The following SLC9A7 variants were observed in gnomAD, a reference collection of about 807,000 sequenced individuals.
SLC9A7 encodes solute carrier family 9 member A7, also known as sodium/hydrogen exchanger 7.
In SLC9A7, 19 loss-of-function variants were observed where a neutral mutation model predicts 52.6. That is an observed-to-expected ratio of 0.36 (90% confidence interval 0.25 to 0.53). SLC9A7 has a LOEUF of 0.53. Ranked by LOEUF, SLC9A7 falls within the 20% of genes least tolerant of loss-of-function variation. The pLI is 0.91. For synonymous variants in SLC9A7, 226 were observed against 252.1 expected, an observed-to-expected ratio of 0.90 and a Z score of 0.98; for missense variants, 455 against 597.9, an observed-to-expected ratio of 0.76 and a Z score of 2.49.
In SLC9A7 at chrX:46,633,930, C is replaced by T. The variant is rs191821116; in HGVS notation, c.1676+1659G>A. Among the ~76,000 whole-genome samples the T allele has an allele frequency of 5.1e-3, 569 of 111,341 alleles. 1 individual carries two copies. Among genetic ancestry groups the T allele is most frequent in the Non-Finnish European group, 8.7e-3 (462 of 52,981 alleles). On this transcript the variant is annotated intron_variant, in intron 13 of 16. Coordinates refer to ENST00000616978, the MANE Select transcript of SLC9A7 (RefSeq NM_001257291.2). ...CAGGTGATCTGCCCACCTCGGCCTC[C>T]CAAAGTGCTGGGATTACAGGCGTGA...
At position 46,682,439 on chromosome X, in the gene SLC9A7, G is replaced by A; in HGVS notation, c.422C>T (p.Thr141Ile). The A allele has an allele frequency of 1.7e-6, 2 of 1,210,826 alleles. No individual in the cohort carries two copies. The highest frequency in any genetic ancestry group is 2.2e-6 in the Non-Finnish European group (2 of 894,955). Residue 141 changes from threonine (T) to isoleucine (I), a missense_variant, in exon 2 of 17, where the codon ACC becomes ATC. Thr to Ile is a moderately conservative substitution (Grantham distance 89). This residue lies in a region of SLC9A7 where 304 missense variants were observed against 417.8 expected (regional missense o/e 0.73). Coordinates refer to ENST00000616978, the MANE Select transcript of SLC9A7 (RefSeq NM_001257291.2). ...SCTQEDRAFS[T>I]LLVNVSGKFF... is the part of the protein sequence containing the mutation. Reference sequence around the variant, plus strand: ...CTTTCCGCTGACATTCACTAATAAGGTACTGAAGGCCCTGTCTTCCTGAGT... The same window carrying A: ...CTTTCCGCTGACATTCACTAATAAGATACTGAAGGCCCTGTCTTCCTGAGT...
chrX:46,695,390 A>G (rs2146902009), intron 1 of SLC9A7, among the ~76,000 whole-genome samples: 1 of 112,680 alleles, frequency 8.9e-6, no homozygotes, highest in South Asian at 3.7e-4. Flanking sequence ...ATGAATACCT[A>G]TATGCAGATC....
At chrX:46,708,644 A>G (rs1569521443) in intron 1 of SLC9A7, among the ~76,000 whole-genome samples, 1 of 112,289 alleles carries the variant, frequency 8.9e-6, no homozygotes, top group Non-Finnish European at 1.9e-5. Flanking sequence ...GTGTTCTAGC[A>G]CCACTGATTA....
intron 12 of SLC9A7, among the ~76,000 whole-genome samples, chrX:46,638,630 A>C (rs1006033153): frequency 2.7e-5 from 3 of 112,028 alleles, no homozygotes; most frequent in Non-Finnish European, 5.6e-5. Context: ...AATGAAACTG[A>C]CCAATTTCAC....
chrX:46,748,064 T>C (rs778143993), intron 1 of SLC9A7, among the ~76,000 whole-genome samples: 1 of 111,259 alleles, frequency 9.0e-6, no homozygotes, highest in East Asian at 2.8e-4. Flanking sequence ...TGAAAACAAA[T>C]GGCCAGGTAC....
At chrX:46,651,494 C>T (rs1162212433) in intron 8 of SLC9A7, 90 bp from the exon 9 acceptor site, 5 of 711,631 alleles carry the variant, frequency 7.0e-6, no homozygotes, top group Non-Finnish European at 1.1e-5. Context: ...TTAAGGTAGG[C>T]AAGCCTAGCA....
chrX:46,743,174 G>A (rs1324051305), intron 1 of SLC9A7, among the ~76,000 whole-genome samples: 2 of 112,314 alleles, frequency 1.8e-5, no homozygotes, highest in East Asian at 5.5e-4. Flanking sequence ...TTACTCTGCA[G>A]GAAAAAGTTA....
chrX:46,746,027 C>G (rs1602302098), intron 1 of SLC9A7, among the ~76,000 whole-genome samples: 1 of 107,850 alleles, frequency 9.3e-6, no homozygotes, highest in African/African-American at 3.4e-5. Context: ...AGGAAACAAT[C>G]AAGAAAAAAA....
rs1556294619 is a variant in SLC9A7, at chrX:46,758,825, GC to G, written c.204del (p.Gln69LysfsTer4). 8.3e-7 allele frequency: 1 copy of G among 1,207,449 alleles called. No individual in the cohort carries two copies. On this transcript the variant is annotated frameshift_variant, in exon 1 of 17. Coordinates refer to ENST00000616978, the MANE Select transcript of SLC9A7 (RefSeq NM_001257291.2). LOFTEE classifies it high-confidence loss of function. ...ATEKEAEESH[R>X]QDSVSLLTFI... ...AAGGTGAGCAGGCTCACGCTGTCTTGCCGGTGGCTCTCCTCCGCCTCCTTCT... is the reference window on the plus strand; with the variant it reads ...AAGGTGAGCAGGCTCACGCTGTCTTGCGGTGGCTCTCCTCCGCCTCCTTCT...
chrX:46,665,557 CAAA>C (rs754854403), intron 5 of SLC9A7, among the ~76,000 whole-genome samples: 1 of 21,784 alleles, frequency 4.6e-5, no homozygotes, highest in African/African-American at 1.4e-4. Context: ...GACTCCATCT[CAAA>C]AAAAAAAAAA....
chrX:46,688,533 G>A (rs1944331862), intron 1 of SLC9A7, among the ~76,000 whole-genome samples: 1 of 106,973 alleles, frequency 9.3e-6, no homozygotes, highest in African/African-American at 3.4e-5. Context: ...GGAGGTGGAG[G>A]TTACGGTGAG....
intron 8 of SLC9A7, among the ~76,000 whole-genome samples, chrX:46,651,860 A>G (rs1025842869): frequency 1.9e-5 from 2 of 107,501 alleles, no homozygotes; most frequent in African/African-American, 7.0e-5. Context: ...AAAAGAAAAA[A>G]AAGAAAAAAA....
chrX:46,703,521 TTC>T (rs1944562321), intron 1 of SLC9A7, among the ~76,000 whole-genome samples: 1 of 112,236 alleles, frequency 8.9e-6, no homozygotes, highest in South Asian at 3.6e-4. Context: ...ATGCTTGACT[TTC>T]TGTTTGTTAG....
In SLC9A7 at chrX:46,651,208, G is replaced by C; in HGVS notation, c.1252C>G (p.His418Asp). Residue 418 changes from histidine to aspartate, a missense_variant, in exon 10 of 17, where the codon CAT (histidine) becomes GAT (aspartate). Around this residue, in one of 3 missense-constraint regions of SLC9A7, gnomAD observed 304 missense variants for 417.8 expected, o/e 0.73. Transcript: ENST00000616978. ...SRTKQLFEVL[H>D]FLAENFIFSY... ...AAGATGAAGTTCTCTGCCAGGAAAT[G>C]TAACACCTCAAAGAGCTGCACAGAG... is the stretch of plus-strand genomic sequence containing the variant. 1 of 1,203,124 alleles carries C rather than the reference G, an allele frequency of 8.3e-7. No homozygotes were observed. Among genetic ancestry groups the C allele is most frequent in the Non-Finnish European group, 1.1e-6 (1 of 888,517 alleles).
rs782629691 is a variant in SLC9A7, at chrX:46,758,807, G to A, written c.223C>T (p.Leu75Phe). The A allele has an allele frequency of 1.7e-6, 2 of 1,206,615 alleles. No individual in the cohort carries two copies. Among genetic ancestry groups the A allele is most frequent in the South Asian group, 1.8e-5 (1 of 56,157 alleles). Residue 75 changes from leucine to phenylalanine, a missense_variant, in exon 1 of 17, where the codon CTC (leucine) becomes TTC (phenylalanine). Coordinates refer to ENST00000616978, the MANE Select transcript of SLC9A7 (RefSeq NM_001257291.2). ...AGCGTGAGCAGCAGGATGAAGGTGAGCAGGCTCACGCTGTCTTGCCGGTGG... is the reference window on the plus strand; with the variant it reads ...AGCGTGAGCAGCAGGATGAAGGTGAACAGGCTCACGCTGTCTTGCCGGTGG... ...ESHRQDSVSLLTFILLLTLTI... is the reference protein window; with the variant it reads ...ESHRQDSVSLFTFILLLTLTI...
chrX:46,631,567 A>T lies in SLC9A7; in HGVS notation c.1740+19T>A, dbSNP rs961718134. The T allele has an allele frequency of 8.4e-7, 1 of 1,193,979 alleles. No individual in the cohort carries two copies. Among genetic ancestry groups the T allele is most frequent in the Non-Finnish European group, 1.1e-6 (1 of 879,849 alleles). On this transcript the variant is annotated intron_variant, in intron 14 of 16. Transcript: ENST00000616978. ...TGCTCAAATGTCTTCCCCAGGAAGA[A>T]GCATCTCTTGTGACTTACCCCTTGT...
intron 1 of SLC9A7, among the ~76,000 whole-genome samples, chrX:46,709,400 C>T (rs1276202732): frequency 9.0e-6 from 1 of 110,695 alleles, no homozygotes; most frequent in African/African-American, 3.3e-5. Context: ...GAGTGAGACT[C>T]TGTTCTCAAA....
chrX:46,729,440 T>C (rs1944993575), intron 1 of SLC9A7, among the ~76,000 whole-genome samples: 1 of 112,172 alleles, frequency 8.9e-6, no homozygotes, highest in Non-Finnish European at 1.9e-5. Flanking sequence ...TACAATCTAA[T>C]GAACTCACAT....
chrX:46,697,423 G>C (rs760285663), intron 1 of SLC9A7, among the ~76,000 whole-genome samples: 8 of 111,922 alleles, frequency 7.1e-5, no homozygotes, highest in African/African-American at 1.3e-4. Context: ...CTGAAGCCAC[G>C]GCAGAAGAAT....
Sources: allele counts gnomAD v4.1 joint callset (sites outside exome capture counted in the v4.1 genomes callset), GRCh38; gene constraint gnomAD v4.1.1; regional missense constraint gnomAD v4.1.1; transcripts MANE v1.5; gene names NCBI Gene and HGNC (gene_info 2026-07-23, HGNC 2026-07-21).